The following TCF12 variants were observed in gnomAD, a reference collection of about 807,000 sequenced individuals.
TCF12 encodes transcription factor 12.
Under a neutral mutation model 86.0 loss-of-function variants are expected in TCF12, and 45 were observed. That is an observed-to-expected ratio of 0.52 (90% CI 0.41 to 0.67). TCF12 has a LOEUF of 0.67. Ranked by LOEUF, TCF12 falls within the 30% of genes least tolerant of loss-of-function variation. The pLI is 0.00. For missense variants in TCF12, 881 were observed against 859.9 expected, an observed-to-expected ratio of 1.02 and a Z score of -0.31; for synonymous variants, 330 against 299.6, an observed-to-expected ratio of 1.10 and a Z score of -1.05.
intron 3 of TCF12, among the ~76,000 whole-genome samples, chr15:57,037,645 C>T (rs1333435712): frequency 6.6e-6 from 1 of 152,070 alleles, no homozygotes; most frequent in East Asian, 1.9e-4. Context: ...GCATATGTTC[C>T]GTTTCTTTGA....
intron 19 of TCF12, among the ~76,000 whole-genome samples, chr15:57,275,327 G>GGGGTGTGTGTGTGTGTGTGTGTGTGTGT (rs2061328433): frequency 6.2e-5 from 4 of 64,062 alleles, no homozygotes; most frequent in Admixed American, 5.1e-4. Context: ...GTAAGGTAGG[G>GGGGTGTGTGTGTGTGTGTGTGTGTGTGT]GTGTGTGTGT....
intron 18 of TCF12, among the ~76,000 whole-genome samples, chr15:57,269,850 A>T (rs1385297653): frequency 2.0e-5 from 3 of 152,182 alleles, no homozygotes; most frequent in African/African-American, 7.2e-5. Context: ...TCTGGGTTGA[A>T]AATTCTTTTC....
chr15:56,988,567 A>T (rs1376881045), intron 3 of TCF12, among the ~76,000 whole-genome samples: 1 of 152,288 alleles, frequency 6.6e-6, no homozygotes, highest in Admixed American at 6.5e-5. Context: ...TATGACTTAA[A>T]ATGTTAGTTG....
At chr15:56,957,826 G>T (rs1195415613) in intron 3 of TCF12, among the ~76,000 whole-genome samples, 1 of 152,096 alleles carries the variant, frequency 6.6e-6, no homozygotes, top group Non-Finnish European at 1.5e-5. Flanking sequence ...ATTTGTTCTG[G>T]AATTTAGCTA....
chr15:57,064,812 A>AAAAAAAAAGAG (rs554263213), intron 4 of TCF12, among the ~76,000 whole-genome samples: 1 of 123,420 alleles, frequency 8.1e-6, no homozygotes, highest in African/African-American at 2.9e-5. Flanking sequence ...AAAAAAAAAA[A>AAAAAAAAAGAG]AGAGAGAGAG....
In TCF12 at chr15:57,289,842, T is replaced by C. The variant is rs1716025224; in HGVS notation, c.*3697T>C. ...ATGATAAATATTTTTAAATAAATAA[T>C]ATTATAACCAACTCCCAGGATGATT... On this transcript the variant is annotated 3_prime_UTR_variant, in exon 21 of 21. Transcript: ENST00000333725. 1 of 152,128 alleles carries C rather than the reference T, an allele frequency of 6.6e-6. No homozygotes were observed. Among genetic ancestry groups the C allele is most frequent in the African/African-American group, 2.4e-5 (1 of 41,434 alleles). The allele number at this position is 152,128 out of a possible 1,614,324, so 9.4% of individuals were successfully genotyped here. A position where few individuals can be genotyped will look rare whatever the true frequency, so the allele number is the denominator to read the frequency against.
At chr15:56,965,352 C>T (rs1260462759) in intron 3 of TCF12, among the ~76,000 whole-genome samples, 1 of 151,940 alleles carries the variant, frequency 6.6e-6, no homozygotes, top group Non-Finnish European at 1.5e-5. Context: ...GAAACAGTAA[C>T]CCAGTTTTGA....
At chr15:57,104,588 CGCACACCCA>C in intron 5 of TCF12, among the ~76,000 whole-genome samples, 1 of 151,084 alleles carries the variant, frequency 6.6e-6, no homozygotes, top group Admixed American at 6.6e-5. Context: ...ACTACAGGCG[CGCACACCCA>C]GCTAATTTTT....
At chr15:57,048,408 C>T (rs968279442) in intron 3 of TCF12, among the ~76,000 whole-genome samples, 3 of 152,050 alleles carry the variant, frequency 2.0e-5, no homozygotes, top group Admixed American at 2.0e-4. Context: ...ACTACAGGCA[C>T]CCGCCACCAC....
At chr15:57,074,360 TAAAAAAA>T (rs35606687) in intron 4 of TCF12, among the ~76,000 whole-genome samples, 5 of 110,624 alleles carry the variant, frequency 4.5e-5, no homozygotes, top group African/African-American at 1.1e-4. Context: ...CCATTTTGAT[TAAAAAAA>T]AAAAAAAAAA....
At chr15:57,036,446 C>G (rs978321838) in intron 3 of TCF12, among the ~76,000 whole-genome samples, 1 of 152,126 alleles carries the variant, frequency 6.6e-6, no homozygotes, top group African/African-American at 2.4e-5. Context: ...TCCAGAGTAG[C>G]TGCACCATTT....
chr15:56,940,063 A>T (rs1256610343), intron 3 of TCF12, among the ~76,000 whole-genome samples: 1 of 133,388 alleles, frequency 7.5e-6, no homozygotes, highest in Non-Finnish European at 1.5e-5. Context: ...TGATTCTGGG[A>T]TTCATTGGCT....
intron 5 of TCF12, among the ~76,000 whole-genome samples, chr15:57,160,738 G>A (rs1266385627): frequency 6.6e-6 from 1 of 152,066 alleles, no homozygotes; most frequent in African/African-American, 2.4e-5. Flanking sequence ...TGTCTCCTAG[G>A]CTGAAATGCA....
At position 57,130,600 on chromosome 15, in the gene TCF12, T is replaced by C. The variant is rs115025148; in HGVS notation, c.326-35802T>C. On this transcript the variant is annotated intron_variant, in intron 5 of 20. Coordinates refer to ENST00000333725, the MANE Select transcript of TCF12 (RefSeq NM_207037.2). Reference sequence around the variant, plus strand: ...GATTACCAGAAGAGAGCCGTCAATTTTCTTGTGAAGTGCTGTTATTTTAAA... The same window carrying C: ...GATTACCAGAAGAGAGCCGTCAATTCTCTTGTGAAGTGCTGTTATTTTAAA... Among the ~76,000 whole-genome samples, 942 of 152,330 alleles carry C rather than the reference T, an allele frequency of 6.2e-3. 9 individuals are homozygous for C. Among genetic ancestry groups the C allele is most frequent in the African/African-American group, 0.022 (895 of 41,576 alleles).
intron 5 of TCF12, among the ~76,000 whole-genome samples, chr15:57,139,784 C>A (rs976208538): frequency 1.1e-4 from 16 of 152,104 alleles, no homozygotes; most frequent in African/African-American, 3.9e-4. Flanking sequence ...GTAATAGTAC[C>A]AAAAAAGCTT....
chr15:57,145,470 T>A (rs1254421438), intron 5 of TCF12, among the ~76,000 whole-genome samples: 1 of 151,938 alleles, frequency 6.6e-6, no homozygotes, highest in Non-Finnish European at 1.5e-5. Context: ...GCACAGTAAA[T>A]GTAGTTTGAA....
intron 3 of TCF12, among the ~76,000 whole-genome samples, chr15:57,063,077 C>T (rs2068586682): frequency 6.6e-6 from 1 of 152,114 alleles, no homozygotes; most frequent in African/African-American, 2.4e-5. Context: ...GGTTATGGCA[C>T]CTAATTCTTT....
At chr15:57,102,777 GT>G (rs2049850297) in intron 5 of TCF12, among the ~76,000 whole-genome samples, 1 of 152,050 alleles carries the variant, frequency 6.6e-6, no homozygotes, top group Non-Finnish European at 1.5e-5. Context: ...TAGGTGAGTT[GT>G]TTTTCTGTTG....
chr15:57,177,577 C>T (rs866124142), intron 6 of TCF12, among the ~76,000 whole-genome samples: 2 of 125,634 alleles, frequency 1.6e-5, no homozygotes, highest in African/African-American at 6.0e-5. Flanking sequence ...AGTCAATAGA[C>T]ACTTTTAATG....
Sources: allele counts gnomAD v4.1 joint callset (sites outside exome capture counted in the v4.1 genomes callset), GRCh38; gene constraint gnomAD v4.1.1; transcripts MANE v1.5; gene names NCBI Gene and HGNC (gene_info 2026-07-23, HGNC 2026-07-21).